The following AGBL1 variants were observed in gnomAD, a reference collection of about 807,000 sequenced individuals.
AGBL1 encodes cytosolic carboxypeptidase 4.
In AGBL1, 130 loss-of-function variants were observed where a neutral mutation model predicts 118.9. The ratio of observed to expected loss-of-function variants is 1.09; its 90% CI spans 0.95 to 1.26. The LOEUF (loss-of-function observed/expected upper bound fraction) is 1.26, where lower values mean the gene tolerates loss of function less well. Ranked by LOEUF, AGBL1 falls within the 50% of genes most tolerant of loss-of-function variation. AGBL1 has a pLI of 0.00. For missense variants in AGBL1, 1,584 were observed against 1,298.1 expected (o/e 1.22, Z -3.38); for synonymous variants, 555 against 478.9 (o/e 1.16, Z -2.08).
chr15:86,969,100 T>G (rs982042972), intron 23 of AGBL1, among the ~76,000 whole-genome samples: 2 of 151,982 alleles, frequency 1.3e-5, no homozygotes, highest in Non-Finnish European at 2.9e-5. Flanking sequence ...GCAAACTATA[T>G]TAATTCCATC....
chr15:86,679,563 G>A (rs1281273322), intron 22 of AGBL1, among the ~76,000 whole-genome samples: 2 of 151,938 alleles, frequency 1.3e-5, no homozygotes, highest in Non-Finnish European at 2.9e-5. Context: ...CTTATCTTAT[G>A]ATCTGGGCTA....
chr15:86,889,841 T>C (rs888400074), intron 22 of AGBL1, among the ~76,000 whole-genome samples: 24 of 152,346 alleles, frequency 1.6e-4, no homozygotes, highest in African/African-American at 5.3e-4. Context: ...TTGCGAATAG[T>C]GCTGCAATGA....
intron 5 of AGBL1, among the ~76,000 whole-genome samples, chr15:86,166,198 C>G (rs762133087): frequency 2.6e-5 from 4 of 152,156 alleles, no homozygotes; most frequent in Non-Finnish European, 4.4e-5. Context: ...AACAAACATG[C>G]TTTGAATTAG....
intron 22 of AGBL1, among the ~76,000 whole-genome samples, chr15:86,805,899 C>A (rs1405431239): frequency 6.6e-6 from 1 of 152,078 alleles, no homozygotes; most frequent in Non-Finnish European, 1.5e-5. Context: ...CAGGGAAAAC[C>A]AAAACAGTCT....
intron 23 of AGBL1, among the ~76,000 whole-genome samples, chr15:86,952,418 A>C (rs900939309): frequency 6.6e-6 from 1 of 152,102 alleles, no homozygotes; most frequent in Non-Finnish European, 1.5e-5. Flanking sequence ...CTACTTTTTA[A>C]TTAAGTGCTT....
At chr15:86,100,750 G>T (rs185919030) in intron 1 of AGBL1, among the ~76,000 whole-genome samples, 27 of 151,904 alleles carry the variant, frequency 1.8e-4, no homozygotes, top group African/African-American at 6.3e-4. Context: ...GTTCATTTGG[G>T]TCTTTCCTCT....
Position 86,853,673 on chromosome 15 carries a change from T to C in AGBL1, c.3159-53414T>C, listed in dbSNP as rs368507598. ...CCGTAACACTCAACTTTTTAAAGCA[T>C]GTAATGATTTCTAAAAAATTTACCG... On this transcript the variant is annotated intron_variant, in intron 22 of 22. Coordinates refer to ENST00000614907, the MANE Select transcript of AGBL1 (RefSeq NM_001386094.1). 4.6e-5 allele frequency among the ~76,000 whole-genome samples: 7 copies of C among 152,332 alleles called. No individual in the cohort carries two copies. In the East Asian group the frequency reaches 1.2e-3, roughly 25 times the overall value.
At chr15:86,601,246 C>T (rs1304226291) in intron 21 of AGBL1, among the ~76,000 whole-genome samples, 1 of 152,132 alleles carries the variant, frequency 6.6e-6, no homozygotes. Context: ...GAAGATTCTT[C>T]TGTAGACTTA....
At chr15:86,392,122 G>C (rs2081296485) in intron 17 of AGBL1, among the ~76,000 whole-genome samples, 1 of 152,074 alleles carries the variant, frequency 6.6e-6, no homozygotes, top group Admixed American at 6.6e-5. Flanking sequence ...TCTACTTGCA[G>C]CTGTCTGTAT....
chr15:86,500,669 A>T (rs1411125393), intron 18 of AGBL1, among the ~76,000 whole-genome samples: 1 of 151,662 alleles, frequency 6.6e-6, no homozygotes, highest in Non-Finnish European at 1.5e-5. Context: ...CTCTCCTCTC[A>T]GTCCCCAGCA....
At chr15:86,269,634 A>G (rs1443822817) in intron 13 of AGBL1, among the ~76,000 whole-genome samples, 4 of 152,240 alleles carry the variant, frequency 2.6e-5, no homozygotes, top group African/African-American at 9.6e-5. Context: ...TGTACCCCAT[A>G]AATAAATACA....
At position 86,166,277 on chromosome 15, in the gene AGBL1, C is replaced by T. The variant is rs1241388549; in HGVS notation, c.488+7251C>T. ...GTGCTGGAGAAATGTTGCTTGGGGA[C>T]CTCAAGTTGCCGACAGCCTATGCCA... is the stretch of plus-strand genomic sequence containing the variant. On this transcript the variant is annotated intron_variant, in intron 5 of 22. Transcript: ENST00000614907. 3.3e-5 allele frequency among the ~76,000 whole-genome samples: 5 copies of T among 152,284 alleles called. No individual in the cohort carries two copies. The Middle Eastern group carries it at 0.01, about 311-fold the overall frequency.
At chr15:86,766,002 A>G (rs1340212213) in intron 22 of AGBL1, among the ~76,000 whole-genome samples, 2 of 151,978 alleles carry the variant, frequency 1.3e-5, no homozygotes, top group Non-Finnish European at 1.5e-5. Flanking sequence ...CTAATAGTTA[A>G]TAATAGTAAT....
At chr15:86,797,891 C>A (rs1382319688) in intron 22 of AGBL1, among the ~76,000 whole-genome samples, 1 of 152,060 alleles carries the variant, frequency 6.6e-6, no homozygotes. Context: ...TGGATATGAC[C>A]TTTTTGTCAA....
At chr15:86,577,769 G>T (rs28866795) in intron 21 of AGBL1, among the ~76,000 whole-genome samples, 3,225 of 152,302 alleles carry the variant, frequency 0.021, 121 homozygotes, top group African/African-American at 0.072. Flanking sequence ...GGCTTCAGAG[G>T]GTGCAAGCCC....
At chr15:86,193,488 T>G (rs1322393811) in intron 5 of AGBL1, among the ~76,000 whole-genome samples, 3 of 152,160 alleles carry the variant, frequency 2.0e-5, no homozygotes, top group Admixed American at 2.0e-4. Flanking sequence ...TTTTCTGATT[T>G]TGACCCCGCA....
chr15:86,147,752 A>G (rs1390735691), intron 3 of AGBL1, among the ~76,000 whole-genome samples: 2 of 152,172 alleles, frequency 1.3e-5, no homozygotes, highest in South Asian at 2.1e-4. Context: ...GAAGAGAGCA[A>G]TGGTTCTCCC....
intron 18 of AGBL1, among the ~76,000 whole-genome samples, chr15:86,494,118 C>A (rs554841033): frequency 1.3e-5 from 2 of 152,014 alleles, no homozygotes; most frequent in Non-Finnish European, 2.9e-5. Flanking sequence ...GATGAGTCAT[C>A]TTCTACTCTA....
At chr15:86,846,254 T>A (rs1232289249) in intron 22 of AGBL1, among the ~76,000 whole-genome samples, 1 of 152,376 alleles carries the variant, frequency 6.6e-6, no homozygotes, top group South Asian at 2.1e-4. Context: ...GTTTTCATTT[T>A]TGAAGGATAG....
Sources: gnomAD v4.1 joint callset for allele counts (sites outside exome capture counted in the v4.1 genomes callset) on GRCh38, gnomAD v4.1.1 for gene constraint, MANE v1.5 for transcripts, NCBI Gene and HGNC (gene_info 2026-07-23, HGNC 2026-07-21) for gene names.